Variants in DMD observed in about 807,000 individuals in gnomAD.
The protein encoded by DMD is mutant dystrophin.
In DMD, 63 loss-of-function variants were observed where a neutral mutation model predicts 330.1. The ratio of observed to expected loss-of-function variants is 0.19; its 90% CI spans 0.16 to 0.24. The LOEUF is 0.24. DMD is among the 10% of genes least tolerant of loss of function. The pLI is 1.00. For missense variants in DMD, 3,344 were observed against 2,684.1 expected (o/e 1.25, Z -5.43); for synonymous variants, 1,223 against 959.8 (o/e 1.27, Z -5.07).
chrX:32,456,329 G>T (rs2098357990), intron 25 of DMD, among the ~76,000 whole-genome samples: 1 of 110,974 alleles, frequency 9.0e-6, no homozygotes, highest in Non-Finnish European at 1.9e-5. Context: ...AGAACAATAT[G>T]TCTTGCAATT....
rs1491211726 is a variant in DMD at position 31,480,553 on chromosome X, T to TG, written c.8548-1451_8548-1450insC. Among the ~76,000 whole-genome samples, 379 of 88,427 alleles carry TG rather than the reference T, an allele frequency of 4.3e-3. 5 individuals carry two copies. In the East Asian group the frequency reaches 0.077, roughly 18 times the overall value. 76.8% of individuals were successfully genotyped at this position (88,427 alleles called of 115,157 possible). On this transcript the variant is annotated intron_variant, in intron 57 of 78. Coordinates refer to ENST00000357033, the MANE Select transcript of DMD (RefSeq NM_004006.3). ...TGATATTTCACTTGAAATCTCCATG[T>TG]TTGTGTGTGTGTGTGTGTGTGTGTG...
rs367604473 is a variant in DMD, at chrX:31,194,128, C to T, written c.9807+9833G>A. ...TCGGGAAGCAGAGGTTGCAGTGAGC[C>T]GAGATTGCGCCACTGCACTCCAGCC... On this transcript the variant is annotated intron_variant, in intron 67 of 78. Transcript: ENST00000357033. Among the ~76,000 whole-genome samples the T allele has an allele frequency of 2.9e-4, 32 of 110,790 alleles. No homozygotes were observed. The East Asian group carries it at 5.7e-3, about 20-fold the overall frequency.
intron 29 of DMD, among the ~76,000 whole-genome samples, chrX:32,429,667 AT>A (rs1472340263): frequency 1.9e-5 from 2 of 106,277 alleles, no homozygotes; most frequent in Non-Finnish European, 3.9e-5. Context: ...TCATTCTTTG[AT>A]TGTTTCCCAG....
At chrX:33,177,677 C>T (rs914346424) in intron 1 of DMD, among the ~76,000 whole-genome samples, 1 of 112,030 alleles carries the variant, frequency 8.9e-6, no homozygotes, top group Non-Finnish European at 1.9e-5. Context: ...TGAGCCACCG[C>T]GCCCGACCTT....
At position 32,684,018 on chromosome X, in the gene DMD, T is replaced by TACACAC. The variant is rs369735561; in HGVS notation, c.960+13846_960+13851dup. Among the ~76,000 whole-genome samples the TACACAC allele has an allele frequency of 4.4e-3, 314 of 70,918 alleles. 2 individuals are homozygous for TACACAC. Among genetic ancestry groups the TACACAC allele is most frequent in the Middle Eastern group, 0.013 (2 of 151 alleles). The allele number at this position is 70,918 out of a possible 115,157, so 61.6% of individuals were successfully genotyped here. A position where few individuals can be genotyped will look rare whatever the true frequency, so the allele number is the denominator to read the frequency against. On this transcript the variant is annotated intron_variant, in intron 9 of 78. Transcript: ENST00000357033. ...CAAAACACACACACACACACATACATACACACACACACACACACACACACA... is the reference window on the plus strand; with the variant it reads ...CAAAACACACACACACACACATACATACACACACACACACACACACACACACACACA...
intron 7 of DMD, among the ~76,000 whole-genome samples, chrX:32,761,729 T>C (rs145936217): frequency 2.0e-4 from 22 of 111,911 alleles, no homozygotes; most frequent in Admixed American, 8.5e-4. Flanking sequence ...CCAGAGCTGC[T>C]AGATCTGCTA....
At chrX:33,219,832 G>C (rs1364934699) in intron 1 of DMD, among the ~76,000 whole-genome samples, 1 of 111,337 alleles carries the variant, frequency 9.0e-6, no homozygotes, top group Non-Finnish European at 1.9e-5. Flanking sequence ...ATCTCTTATG[G>C]GGTATTAGTG....
Position 31,483,746 on chromosome X carries a change from A to G in DMD, c.8548-4643T>C, listed in dbSNP as rs1162303571. On this transcript the variant is annotated intron_variant, in intron 57 of 78. Coordinates refer to ENST00000357033, the MANE Select transcript of DMD (RefSeq NM_004006.3). The stretch of plus-strand genomic sequence containing the variant: ...AGATTCAGATTAAATACAAAAGGAT[A>G]AAACTCCCACAAAAAGAGAGAAATA... Among the ~76,000 whole-genome samples the G allele has an allele frequency of 2.7e-5, 3 of 112,642 alleles. No homozygotes were observed. In the Middle Eastern group the frequency reaches 0.014, roughly 514 times the overall value.
intron 30 of DMD, among the ~76,000 whole-genome samples, chrX:32,411,532 G>C (rs2098142071): frequency 9.0e-6 from 1 of 111,520 alleles, no homozygotes; most frequent in South Asian, 3.7e-4. Context: ...TCTTTGAAAT[G>C]TCTTTATTTC....
At chrX:31,301,876 G>C (rs2054671009) in intron 62 of DMD, among the ~76,000 whole-genome samples, 1 of 111,846 alleles carries the variant, frequency 8.9e-6, no homozygotes, top group Non-Finnish European at 1.9e-5. Context: ...GGGAATGGGA[G>C]GTTGAAGTTA....
intron 1 of DMD, among the ~76,000 whole-genome samples, chrX:33,152,836 C>T (rs2048343185): frequency 9.0e-6 from 1 of 111,277 alleles, no homozygotes; most frequent in Admixed American, 9.6e-5. Flanking sequence ...TCTTTTCCTC[C>T]AATAGACAGT....
chrX:31,687,246 T>C (rs943598190), intron 52 of DMD, among the ~76,000 whole-genome samples: 3 of 110,786 alleles, frequency 2.7e-5, no homozygotes, highest in African/African-American at 6.6e-5. Context: ...CCAGCTGTGG[T>C]GGTTATGGTG....
chrX:32,254,486 A>G (rs186806547), intron 43 of DMD, among the ~76,000 whole-genome samples: 1 of 112,505 alleles, frequency 8.9e-6, no homozygotes, highest in Non-Finnish European at 1.9e-5. Flanking sequence ...CTACTTGGCC[A>G]AACAATGAAT....
chrX:32,485,733 G>GTTTTTTTTTT (rs2042374995), intron 20 of DMD, among the ~76,000 whole-genome samples: 3 of 28,959 alleles, frequency 1.0e-4, no homozygotes, highest in East Asian at 2.3e-3. Flanking sequence ...GGCAACCACT[G>GTTTTTTTTTT]CTTTTTTTTT....
chrX:31,130,520 A>G (rs905340390), intron 77 of DMD, among the ~76,000 whole-genome samples: 5 of 112,346 alleles, frequency 4.5e-5, no homozygotes, highest in Admixed American at 3.8e-4. Flanking sequence ...GACCAACCAG[A>G]AAGATATAAT....
chrX:32,093,021 C>A (rs780619341), intron 44 of DMD, among the ~76,000 whole-genome samples: 1 of 111,073 alleles, frequency 9.0e-6, no homozygotes, highest in African/African-American at 3.3e-5. Context: ...ATCACCACTA[C>A]TTAATTAGTT....
At chrX:33,127,353 A>G (rs1389811575) in intron 1 of DMD, among the ~76,000 whole-genome samples, 1 of 111,675 alleles carries the variant, frequency 9.0e-6, no homozygotes. Flanking sequence ...CTATAATTAA[A>G]AAAAAACCTG....
intron 7 of DMD, among the ~76,000 whole-genome samples, chrX:32,722,218 G>C (rs1451131480): frequency 9.1e-6 from 1 of 109,869 alleles, no homozygotes; most frequent in Non-Finnish European, 1.9e-5. Context: ...CATTAAATTT[G>C]TACAGTCAAC....
At chrX:33,000,572 G>A (rs951636902) in intron 2 of DMD, among the ~76,000 whole-genome samples, 1 of 111,921 alleles carries the variant, frequency 8.9e-6, no homozygotes. Context: ...GCTATGCTGT[G>A]TAATGTGGTA....
Sources: gnomAD v4.1 joint callset for allele counts (sites outside exome capture counted in the v4.1 genomes callset) on GRCh38, gnomAD v4.1.1 for gene constraint, MANE v1.5 for transcripts, NCBI Gene and HGNC (gene_info 2026-07-23, HGNC 2026-07-21) for gene names.